The following SLIT1 variants were observed in gnomAD, a reference collection of about 807,000 sequenced individuals.
SLIT1 encodes slit homolog 1 protein.
SLIT1 carries 66 observed loss-of-function variants against 186.1 expected under a neutral mutation model. That is an observed-to-expected ratio of 0.35 (90% CI 0.29 to 0.44). The LOEUF is 0.44. Among genes scored for constraint, SLIT1 ranks in the 20% least tolerant of loss-of-function variants. The probability of loss-of-function intolerance (pLI) is 1.00; values close to 1 mark genes in which losing one functional copy is unlikely to be tolerated. For missense variants in SLIT1, 1,638 were observed against 2,037.4 expected, an observed-to-expected ratio of 0.80 and a Z score of 3.77; for synonymous variants, 761 against 833.8, an observed-to-expected ratio of 0.91 and a Z score of 1.50.
At chr10:97,163,751 G>A (rs1850064210) in intron 2 of SLIT1, among the ~76,000 whole-genome samples, 1 of 152,270 alleles carries the variant, frequency 6.6e-6, no homozygotes, top group Non-Finnish European at 1.5e-5. Flanking sequence ...GAAGGCCACA[G>A]GGCACCCAAG....
chr10:97,039,588 A>G (rs1459875750), intron 21 of SLIT1, among the ~76,000 whole-genome samples: 1 of 152,228 alleles, frequency 6.6e-6, no homozygotes, highest in Admixed American at 6.5e-5. Flanking sequence ...AATATCCAAC[A>G]AAAGGGGTTT....
chr10:97,176,906 C>T (rs779396811), intron 1 of SLIT1, among the ~76,000 whole-genome samples: 3 of 152,194 alleles, frequency 2.0e-5, no homozygotes, highest in Non-Finnish European at 4.4e-5. Flanking sequence ...CTCCTGCCCT[C>T]TAATGTGGGT....
chr10:97,078,246 A>G (rs1474783166), intron 4 of SLIT1, among the ~76,000 whole-genome samples: 1 of 152,076 alleles, frequency 6.6e-6, no homozygotes, highest in Non-Finnish European at 1.5e-5. Context: ...GCCCTTATTC[A>G]TCCCACCCAC....
At chr10:97,144,435 C>G (rs1849796300) in intron 4 of SLIT1, among the ~76,000 whole-genome samples, 1 of 152,194 alleles carries the variant, frequency 6.6e-6, no homozygotes, top group Non-Finnish European at 1.5e-5. Context: ...TGTAGCCATT[C>G]TTCTTCCAGT....
In SLIT1 at chr10:97,082,765, A is replaced by T. The variant is rs556348362; in HGVS notation, c.414-16679T>A. Reference sequence around the variant, plus strand: ...AGTTCTTAAAACAACCTCATGAGACACATGCTCTCACCACTCTGGTGTGGG... The same window carrying T: ...AGTTCTTAAAACAACCTCATGAGACTCATGCTCTCACCACTCTGGTGTGGG... On this transcript the variant is annotated intron_variant, in intron 4 of 36. Coordinates refer to ENST00000266058, the MANE Select transcript of SLIT1 (RefSeq NM_003061.3). 4.6e-5 allele frequency among the ~76,000 whole-genome samples: 7 copies of T among 152,254 alleles called. No homozygotes were observed. In the East Asian group the frequency reaches 1.4e-3, roughly 29 times the overall value.
intron 9 of SLIT1, 24 bp downstream of exon 9, chr10:97,060,616 G>GC: frequency 6.2e-7 from 1 of 1,611,816 alleles, no homozygotes; most frequent in Admixed American, 1.7e-5. Flanking sequence ...CTGTGCCCCA[G>GC]CATCTGCCCT....
At chr10:97,058,116 G>A (rs761552630) in intron 11 of SLIT1, 17 of 711,808 alleles carry the variant, frequency 2.4e-5, no homozygotes, top group Middle Eastern at 4.7e-4. Context: ...CTGGAATGGA[G>A]GGAACAAATG....
intron 4 of SLIT1, among the ~76,000 whole-genome samples, chr10:97,121,136 T>C (rs1849556911): frequency 6.6e-6 from 1 of 152,208 alleles, no homozygotes; most frequent in Non-Finnish European, 1.5e-5. Flanking sequence ...TCCTTTGGCT[T>C]CTGAAAATTA....
chr10:97,024,429 C>T (rs1056771440), intron 25 of SLIT1, among the ~76,000 whole-genome samples: 18 of 152,154 alleles, frequency 1.2e-4, no homozygotes, highest in African/African-American at 2.4e-4. Context: ...CAGACAAGCA[C>T]GCATGACCTA....
chr10:97,174,102 C>T (rs1201205475), intron 1 of SLIT1, among the ~76,000 whole-genome samples: 1 of 152,184 alleles, frequency 6.6e-6, no homozygotes. Flanking sequence ...TCCAGTCAAA[C>T]GCCCTCTTCT....
chr10:97,058,632 G>C (rs914906836), intron 11 of SLIT1, among the ~76,000 whole-genome samples: 1 of 152,206 alleles, frequency 6.6e-6, no homozygotes, highest in Non-Finnish European at 1.5e-5. Flanking sequence ...GGCATACACA[G>C]AAGGCACTGA....
At chr10:97,063,411 G>T in intron 8 of SLIT1, 44 bp downstream of exon 8, 1 of 1,606,098 alleles carries the variant, frequency 6.2e-7, no homozygotes, top group Non-Finnish European at 8.5e-7. Context: ...AGGCAGGGCA[G>T]GAGGCGCCGG....
intron 28 of SLIT1, 130 bp downstream of exon 28, chr10:97,018,456 C>T (rs963199439): frequency 1.3e-5 from 8 of 608,830 alleles, no homozygotes; most frequent in Admixed American, 6.3e-5. Flanking sequence ...TGCCTGCCCC[C>T]GACAGTGCGC....
chr10:97,020,705 A>G (rs1848495233), intron 26 of SLIT1, among the ~76,000 whole-genome samples: 1 of 152,252 alleles, frequency 6.6e-6, no homozygotes, highest in Non-Finnish European at 1.5e-5. Flanking sequence ...GCGGCCACTC[A>G]GCCACCTGTC....
At position 97,040,025 on chromosome 10, in the gene SLIT1, C is replaced by A. The variant is rs762202783; in HGVS notation, c.2260G>T (p.Ala754Ser). Reference sequence around the variant, plus strand: ...TTCTTGGGAATGCCCTTGGGCAGGGCCCGCAGGTGCTTGTTGCTGCATCGG... The same window carrying A: ...TTCTTGGGAATGCCCTTGGGCAGGGACCGCAGGTGCTTGTTGCTGCATCGG... Reference protein sequence around the residue: ...VVRCSNKHLRALPKGIPKNVT... With the variant: ...VVRCSNKHLRSLPKGIPKNVT... The change falls in exon 21 of 37, where the codon GCC (alanine) becomes TCC (serine). Residue 754 changes from alanine (A) to serine (S), a missense_variant. Ala to Ser is a moderately conservative substitution (Grantham distance 99, BLOSUM62 1). Around this residue, in one of 3 missense-constraint regions of SLIT1, gnomAD observed 1,245 missense variants for 1,535.3 expected, o/e 0.81. Coordinates refer to ENST00000266058, the MANE Select transcript of SLIT1 (RefSeq NM_003061.3). 6.2e-7 allele frequency: 1 copy of A among 1,613,670 alleles called. No homozygotes were observed. The highest frequency in any genetic ancestry group is 8.5e-7 in the Non-Finnish European group (1 of 1,179,780).
chr10:97,013,133 C>T (rs2134593656), intron 30 of SLIT1, among the ~76,000 whole-genome samples: 1 of 152,300 alleles, frequency 6.6e-6, no homozygotes, highest in Admixed American at 6.5e-5. Flanking sequence ...TATTATACAA[C>T]CTGCTGGTAG....
At chr10:97,099,655 CT>C (rs1412785075) in intron 4 of SLIT1, among the ~76,000 whole-genome samples, 1 of 152,138 alleles carries the variant, frequency 6.6e-6, no homozygotes, top group Non-Finnish European at 1.5e-5. Context: ...CCAGTCTTTC[CT>C]TTCACTTATC....
rs1848264972 is a variant in SLIT1, at chr10:96,998,229, A to G, written c.*2883T>C. On this transcript the variant is annotated 3_prime_UTR_variant, in exon 37 of 37. Coordinates refer to ENST00000266058, the MANE Select transcript of SLIT1 (RefSeq NM_003061.3). Reference sequence around the variant, plus strand: ...CACGACCACATAGCATCTGAAAGGCAAAACAAGACGCTGGATGTTGACTTT... The same window carrying G: ...CACGACCACATAGCATCTGAAAGGCGAAACAAGACGCTGGATGTTGACTTT... 1 of 152,298 alleles carries G rather than the reference A, an allele frequency of 6.6e-6. No individual in the cohort carries two copies. Among genetic ancestry groups the G allele is most frequent in the Non-Finnish European group, 1.5e-5 (1 of 68,066 alleles). The allele number at this position is 152,298 out of a possible 1,614,324, so 9.4% of individuals were successfully genotyped here. A position where few individuals can be genotyped will look rare whatever the true frequency, so the allele number is the denominator to read the frequency against.
intron 4 of SLIT1, among the ~76,000 whole-genome samples, chr10:97,106,828 T>C (rs1367368101): frequency 6.6e-6 from 1 of 151,942 alleles, no homozygotes; most frequent in African/African-American, 2.4e-5. Context: ...AACCCTAGAG[T>C]AAGCCTGCCC....
Sources: allele counts gnomAD v4.1 joint callset (sites outside exome capture counted in the v4.1 genomes callset), GRCh38; gene constraint gnomAD v4.1.1; regional missense constraint gnomAD v4.1.1; transcripts MANE v1.5; gene names NCBI Gene and HGNC (gene_info 2026-07-23, HGNC 2026-07-21).